CTNNA2: variants seen among roughly 807,000 people sequenced by gnomAD.
The protein encoded by CTNNA2 is catenin alpha-2.
CTNNA2 carries 42 observed loss-of-function variants against 101.0 expected under a neutral mutation model. That is an observed-to-expected ratio of 0.42 (90% CI 0.32 to 0.54). CTNNA2 has a LOEUF of 0.54. Among genes scored for constraint, CTNNA2 ranks in the 20% least tolerant of loss-of-function variants. The pLI is 0.14. For missense variants in CTNNA2, 871 were observed against 1,223.1 expected (o/e 0.71, Z 4.29); for synonymous variants, 450 against 456.4 (o/e 0.99, Z 0.18).
In CTNNA2 at chr2:80,222,958, C is replaced by T. The variant is rs143675253; in HGVS notation, c.1057-170253C>T. ...TCATCTAAAATGACTGTGGACTTCTCCTAATTTGGGGGTTATATTAGTTTT... is the reference window on the plus strand; with the variant it reads ...TCATCTAAAATGACTGTGGACTTCTTCTAATTTGGGGGTTATATTAGTTTT... On this transcript the variant is annotated intron_variant, in intron 7 of 18. Coordinates refer to ENST00000402739, the MANE Select transcript of CTNNA2 (RefSeq NM_001282597.3). Among the ~76,000 whole-genome samples, 5 of 152,162 alleles carry T rather than the reference C, an allele frequency of 3.3e-5. No homozygotes were observed. The East Asian group carries it at 9.7e-4, about 30-fold the overall frequency.
intron 9 of CTNNA2, among the ~76,000 whole-genome samples, chr2:80,485,047 A>T (rs1373671852): frequency 6.6e-6 from 1 of 152,130 alleles, no homozygotes; most frequent in Non-Finnish European, 1.5e-5. Context: ...GGGTCTATGA[A>T]TGAATCTTAA....
chr2:80,502,337 A>T lies in CTNNA2; in HGVS notation c.1291-42645A>T, dbSNP rs538189194. Among the ~76,000 whole-genome samples the T allele has an allele frequency of 1.8e-4, 27 of 152,288 alleles. No homozygotes were observed. In the Middle Eastern group the frequency reaches 0.01, roughly 58 times the overall value. ...TTCAAATGATTCCTGGCAACAGAGA[A>T]ATACTTATGGTATGCTTATTTGTGG... On this transcript the variant is annotated intron_variant, in intron 9 of 18. Transcript: ENST00000402739.
chr2:80,492,338 C>A (rs530126314), intron 9 of CTNNA2, among the ~76,000 whole-genome samples: 2 of 151,958 alleles, frequency 1.3e-5, no homozygotes, highest in African/African-American at 2.4e-5. Context: ...ACCTGCAGAG[C>A]CATCAGCCAA....
chr2:79,396,968 T>C (rs1467362933), intron 4 of CTNNA2, among the ~76,000 whole-genome samples: 1 of 152,128 alleles, frequency 6.6e-6, no homozygotes, highest in African/African-American at 2.4e-5. Flanking sequence ...GGAAAGCTTG[T>C]CAAAAAATGG....
At chr2:80,308,049 G>A (rs550639653) in intron 7 of CTNNA2, among the ~76,000 whole-genome samples, 23 of 152,286 alleles carry the variant, frequency 1.5e-4, no homozygotes, top group Admixed American at 1.3e-3. Context: ...GGGAAGAGTC[G>A]ATTAATTCCT....
At chr2:80,572,642 A>G (rs1470094318) in intron 12 of CTNNA2, 1 of 152,200 alleles carries the variant, frequency 6.6e-6, no homozygotes, top group African/African-American at 2.4e-5. Flanking sequence ...AAAAAAGTTT[A>G]TTCCCAACAC....
chr2:80,001,429 T>C (rs1692939678), intron 7 of CTNNA2, among the ~76,000 whole-genome samples: 1 of 152,222 alleles, frequency 6.6e-6, no homozygotes, highest in Admixed American at 6.5e-5. Flanking sequence ...ATCTAAGTGT[T>C]AGAGTTTTAA....
rs1215649492 is a variant in CTNNA2, at chr2:80,075,669, TATAA to T, written c.1056+165876_1056+165879del. On this transcript the variant is annotated intron_variant, in intron 7 of 18. Coordinates refer to ENST00000402739, the MANE Select transcript of CTNNA2 (RefSeq NM_001282597.3). ...ATTATAAAAATAATATTTATACATG[TATAA>T]ATATTATAAAAATAATATTTATACT... Among the ~76,000 whole-genome samples, 4 of 87,198 alleles carry T rather than the reference TATAA, an allele frequency of 4.6e-5. No homozygotes were observed. The South Asian group carries it at 1.5e-3, about 33-fold the overall frequency. 57.2% of individuals were successfully genotyped at this position (87,198 alleles called of 152,430 possible).
intron 7 of CTNNA2, among the ~76,000 whole-genome samples, chr2:80,133,505 G>A (rs1269598107): frequency 2.0e-5 from 3 of 152,122 alleles, no homozygotes; most frequent in Non-Finnish European, 2.9e-5. Flanking sequence ...TGAAAAATAA[G>A]CCCAAATGTA....
intron 4 of CTNNA2, among the ~76,000 whole-genome samples, chr2:79,412,344 A>G (rs1325995638): frequency 5.3e-5 from 8 of 152,002 alleles, no homozygotes; most frequent in Non-Finnish European, 1.0e-4. Flanking sequence ...AACGAGACAG[A>G]AAGTTAACAA....
intron 2 of CTNNA2, among the ~76,000 whole-genome samples, chr2:79,216,595 T>A (rs988894009): frequency 4.0e-5 from 6 of 151,564 alleles, no homozygotes; most frequent in African/African-American, 1.5e-4. Flanking sequence ...CAGGGGGTTC[T>A]TGTCCCCAGA....
chr2:79,195,357 G>T (rs1343302871), intron 1 of CTNNA2, among the ~76,000 whole-genome samples: 8 of 152,042 alleles, frequency 5.3e-5, no homozygotes, highest in Non-Finnish European at 1.0e-4. Flanking sequence ...TTCCTTCTGG[G>T]TAGCAGCAAC....
At chr2:80,370,217 T>G (rs1203496046) in intron 7 of CTNNA2, among the ~76,000 whole-genome samples, 2 of 151,906 alleles carry the variant, frequency 1.3e-5, no homozygotes, top group Admixed American at 1.3e-4. Context: ...GTATCCTATT[T>G]CAGCGAAAAA....
chr2:79,404,242 G>T lies in CTNNA2; in HGVS notation c.-135+30229G>T, dbSNP rs554064694. ...AGTACATGGTTGTCATAAACTTTGG[G>T]TCCATAGGCAGGATATGAATATGGG... On this transcript the variant is annotated intron_variant, in intron 4 of 21. Coordinates refer to the CTNNA2 transcript ENST00000466387. 3.9e-5 allele frequency among the ~76,000 whole-genome samples: 6 copies of T among 152,054 alleles called. No individual in the cohort carries two copies. The South Asian group carries it at 1.2e-3, about 32-fold the overall frequency.
chr2:80,334,381 C>T (rs1362963909), intron 7 of CTNNA2, among the ~76,000 whole-genome samples: 5 of 152,202 alleles, frequency 3.3e-5, no homozygotes, highest in African/African-American at 1.2e-4. Flanking sequence ...CTCAGAGCCT[C>T]ATTTGCATGA....
chr2:80,304,930 A>AAAT, intron 7 of CTNNA2: 1 of 227,258 alleles, frequency 4.4e-6, no homozygotes, highest in Non-Finnish European at 7.0e-6. Context: ...AAAAAAAAAA[A>AAAT]GGAGGGGGGA....
intron 4 of CTNNA2, among the ~76,000 whole-genome samples, chr2:79,486,633 C>A (rs1173103000): frequency 6.6e-6 from 1 of 152,138 alleles, no homozygotes; most frequent in Non-Finnish European, 1.5e-5. Context: ...AGTTCTAGAT[C>A]CCTGAGGAAT....
chr2:79,379,950 A>G (rs989853149), intron 4 of CTNNA2, among the ~76,000 whole-genome samples: 8 of 152,196 alleles, frequency 5.3e-5, no homozygotes, highest in Admixed American at 3.9e-4. Flanking sequence ...TAGTCTTCAA[A>G]ATATCCAGTT....
intron 4 of CTNNA2, among the ~76,000 whole-genome samples, chr2:79,374,904 T>C (rs1315238506): frequency 6.6e-6 from 1 of 152,156 alleles, no homozygotes; most frequent in Non-Finnish European, 1.5e-5. Flanking sequence ...GTCAGGCTCA[T>C]GACCTGTGTG....
Sources: allele counts gnomAD v4.1 joint callset (sites outside exome capture counted in the v4.1 genomes callset), GRCh38; gene constraint gnomAD v4.1.1; transcripts MANE v1.5; gene names NCBI Gene and HGNC (gene_info 2026-07-23, HGNC 2026-07-21).